Variants in COL8A1 observed in about 807,000 individuals in gnomAD.
The protein encoded by COL8A1 is collagen alpha-1(VIII) chain.
Under a neutral mutation model 42.7 loss-of-function variants are expected in COL8A1, and 21 were observed. The observed-to-expected ratio is 0.49, with a 90% CI of 0.35 to 0.71. The LOEUF is 0.71. Ranked by LOEUF, COL8A1 falls within the 30% of genes least tolerant of loss-of-function variation. The pLI is 0.01. For synonymous variants in COL8A1, 367 were observed against 369.1 expected, an observed-to-expected ratio of 0.99 and a Z score of 0.06; for missense variants, 788 against 962.4, an observed-to-expected ratio of 0.82 and a Z score of 2.40.
chr3:99,764,211 C>T (rs1297814996), intron 2 of COL8A1, among the ~76,000 whole-genome samples: 2 of 152,154 alleles, frequency 1.3e-5, no homozygotes, highest in Non-Finnish European at 1.5e-5. Context: ...TTAAGGTTCA[C>T]AAAACATTAG....
rs1346443668 is a variant in COL8A1, at chr3:99,794,318, T to C, written c.417T>C (p.Gly139=). Residue 139 remains glycine, a synonymous_variant, in exon 4 of 4, where the codon GGT becomes GGC. Transcript: ENST00000652472. This position sits in a 1 kb window ranked among gnomAD's most constrained non-coding sequence, Gnocchi z 4.3. ...CACCTGGGCCCCCTGGTTTGCCAGGTCATGGGATACCTGGAATTAAAGGAA... is the reference window on the plus strand; with the variant it reads ...CACCTGGGCCCCCTGGTTTGCCAGGCCATGGGATACCTGGAATTAAAGGAA... ...RGPPGPPGLP[G]HGIPGIKGKP... 3 of 1,613,258 alleles carry C rather than the reference T, an allele frequency of 1.9e-6. No homozygotes were observed. The highest frequency in any genetic ancestry group is 2.5e-6 in the Non-Finnish European group (3 of 1,179,810).
At chr3:99,791,083 A>G in intron 3 of COL8A1, 73 bp downstream of exon 3, 1 of 1,351,946 alleles carries the variant, frequency 7.4e-7, no homozygotes, top group East Asian at 2.4e-5. Context: ...CAGAGGGGGA[A>G]GATAAATTTT....
intron 2 of COL8A1, among the ~76,000 whole-genome samples, chr3:99,746,959 C>T (rs1237796916): frequency 6.6e-6 from 1 of 152,096 alleles, no homozygotes; most frequent in Non-Finnish European, 1.5e-5. Flanking sequence ...TAGTATAAAA[C>T]TCTTAATGTT....
chr3:99,686,066 T>C (rs764553962), intron 1 of COL8A1, among the ~76,000 whole-genome samples: 1 of 152,164 alleles, frequency 6.6e-6, no homozygotes, highest in Non-Finnish European at 1.5e-5. Context: ...TTGTAATCAA[T>C]TGTAACCAAG....
At chr3:99,736,127 A>C (rs893610775) in intron 1 of COL8A1, among the ~76,000 whole-genome samples, 2 of 151,944 alleles carry the variant, frequency 1.3e-5, no homozygotes, top group African/African-American at 2.4e-5. Flanking sequence ...AATTTTTTGA[A>C]GGGTTTTTTG....
At chr3:99,694,664 T>C (rs556523106) in intron 1 of COL8A1, among the ~76,000 whole-genome samples, 1 of 152,224 alleles carries the variant, frequency 6.6e-6, no homozygotes, top group East Asian at 1.9e-4. Context: ...TCAATTATCT[T>C]CCTCATTCTT....
chr3:99,763,559 T>A (rs1941404023), intron 2 of COL8A1, among the ~76,000 whole-genome samples: 1 of 152,224 alleles, frequency 6.6e-6, no homozygotes, highest in Middle Eastern at 3.4e-3. Flanking sequence ...TAAAGTCCTA[T>A]GAGGTCGGTA....
At chr3:99,792,415 A>T (rs1257352319) in intron 3 of COL8A1, among the ~76,000 whole-genome samples, 1 of 152,190 alleles carries the variant, frequency 6.6e-6, no homozygotes, top group Non-Finnish European at 1.5e-5. Flanking sequence ...AGATATTGGG[A>T]CCATATATTT....
At chr3:99,681,041 A>G (rs1938864307) in intron 1 of COL8A1, among the ~76,000 whole-genome samples, 1 of 152,230 alleles carries the variant, frequency 6.6e-6, no homozygotes, top group Admixed American at 6.5e-5. Flanking sequence ...AAACCCTAGA[A>G]GAAAACCTAG....
intron 1 of COL8A1, among the ~76,000 whole-genome samples, chr3:99,704,899 T>C (rs934358355): frequency 5.9e-5 from 9 of 152,068 alleles, no homozygotes; most frequent in African/African-American, 1.9e-4. Context: ...ATTTTGAACA[T>C]GGATCCCATG....
chr3:99,733,091 G>C (rs191522517), intron 1 of COL8A1, among the ~76,000 whole-genome samples: 16 of 151,382 alleles, frequency 1.1e-4, no homozygotes, highest in Non-Finnish European at 1.3e-4. Flanking sequence ...TGGCTTTGCA[G>C]GGTACAGCCT....
intron 1 of COL8A1, among the ~76,000 whole-genome samples, chr3:99,726,770 T>C (rs12487583): frequency 0.15 from 23,337 of 151,368 alleles, 1,848 homozygotes; most frequent in South Asian, 0.22. Flanking sequence ...CATTGATCTA[T>C]ATCTCTGTTT....
chr3:99,721,943 T>G (rs550989615), intron 1 of COL8A1, among the ~76,000 whole-genome samples: 2 of 152,088 alleles, frequency 1.3e-5, no homozygotes, highest in South Asian at 4.1e-4. Context: ...TCTGCTTAAT[T>G]CAAAGTTCAG....
intron 2 of COL8A1, among the ~76,000 whole-genome samples, chr3:99,763,718 C>G (rs1941407273): frequency 6.6e-6 from 1 of 152,186 alleles, no homozygotes; most frequent in Non-Finnish European, 1.5e-5. Context: ...ACAATCCATG[C>G]ACCCAGTACC....
At chr3:99,649,461 A>T (rs1937768648) in intron 1 of COL8A1, among the ~76,000 whole-genome samples, 1 of 152,180 alleles carries the variant, frequency 6.6e-6, no homozygotes, top group African/African-American at 2.4e-5. Flanking sequence ...CTGTCCCCAT[A>T]AATTGTTCTA....
chr3:99,643,462 A>G (rs1937552921), intron 1 of COL8A1, among the ~76,000 whole-genome samples: 2 of 152,218 alleles, frequency 1.3e-5, no homozygotes, highest in Non-Finnish European at 2.9e-5. Context: ...TGGGGAAAAA[A>G]GCTAAGTATA....
intron 1 of COL8A1, among the ~76,000 whole-genome samples, chr3:99,705,291 T>C (rs563634480): frequency 7.2e-5 from 11 of 152,346 alleles, no homozygotes; most frequent in African/African-American, 2.6e-4. Flanking sequence ...ATGAATTAAG[T>C]AGGCCTCTGA....
intron 1 of COL8A1, among the ~76,000 whole-genome samples, chr3:99,649,440 T>C (rs1937767702): frequency 6.6e-6 from 1 of 152,150 alleles, no homozygotes; most frequent in Non-Finnish European, 1.5e-5. Flanking sequence ...AGATTTTAAT[T>C]GTGCTACTCT....
At chr3:99,721,688 T>C (rs1940160487) in intron 1 of COL8A1, among the ~76,000 whole-genome samples, 1 of 152,180 alleles carries the variant, frequency 6.6e-6, no homozygotes, top group Middle Eastern at 3.2e-3. Flanking sequence ...TATAATTAAA[T>C]TCAAACTTCC....
Sources: allele counts gnomAD v4.1 joint callset (sites outside exome capture counted in the v4.1 genomes callset), GRCh38; gene constraint gnomAD v4.1.1; non-coding constraint Gnocchi (gnomAD v3.1); transcripts MANE v1.5; gene names NCBI Gene and HGNC (gene_info 2026-07-23, HGNC 2026-07-21).